MCTP1: variants seen among roughly 807,000 people sequenced by gnomAD.
The protein encoded by MCTP1 is multiple C2 and transmembrane domain containing 1, also known as multiple C2 and transmembrane domain-containing protein 1.
Under a neutral mutation model 120.6 loss-of-function variants are expected in MCTP1, and 69 were observed. The ratio of observed to expected loss-of-function variants is 0.57; its 90% confidence interval spans 0.47 to 0.70. MCTP1 has a LOEUF of 0.70. Ranked by LOEUF, MCTP1 falls within the 30% of genes least tolerant of loss-of-function variation. The pLI is 0.00. For missense variants in MCTP1, 1,203 were observed against 1,248.8 expected (o/e 0.96, Z 0.55); for synonymous variants, 529 against 493.1 (o/e 1.07, Z -0.96).
intron 10 of MCTP1, 43 bp downstream of exon 10, chr5:94,909,208 A>G: frequency 6.3e-7 from 1 of 1,593,232 alleles, no homozygotes. Flanking sequence ...TCTTTTAATA[A>G]AAATGCTCTA....
intron 2 of MCTP1, among the ~76,000 whole-genome samples, chr5:94,983,377 A>T (rs114968743): frequency 6.6e-6 from 1 of 152,350 alleles, no homozygotes; most frequent in African/African-American, 2.4e-5. Context: ...CTTGAAGACT[A>T]TATTTATGGT....
At chr5:94,803,796 A>C (rs1561663633) in intron 17 of MCTP1, among the ~76,000 whole-genome samples, 2 of 152,196 alleles carry the variant, frequency 1.3e-5, no homozygotes, top group Non-Finnish European at 2.9e-5. Context: ...TTTCATATTT[A>C]ATTTGTGGTG....
intron 1 of MCTP1, among the ~76,000 whole-genome samples, chr5:95,283,292 C>T (rs997770643): frequency 1.3e-5 from 2 of 152,210 alleles, no homozygotes; most frequent in African/African-American, 2.4e-5. Flanking sequence ...TGGGAGGAGA[C>T]GCTCCCGCTG....
In MCTP1 at chr5:94,824,870, G is replaced by A. The variant is rs868620706; in HGVS notation, c.2437-25738C>T. On this transcript the variant is annotated intron_variant, in intron 17 of 22. Transcript: ENST00000515393. ...CTGATGGTAGTTTGTATTTCTGTGG[G>A]ATCAGTGGTGATATTCCCTTTATCA... 2.6e-5 allele frequency among the ~76,000 whole-genome samples: 4 copies of A among 152,146 alleles called. No individual in the cohort carries two copies. In the South Asian group the frequency reaches 8.3e-4, roughly 32 times the overall value.
At chr5:94,942,318 G>T in intron 4 of MCTP1, 30 bp downstream of exon 4, 1 of 1,521,068 alleles carries the variant, frequency 6.6e-7, no homozygotes, top group Non-Finnish European at 9.1e-7. Context: ...ATGACAAGGG[G>T]TGGTGATATT....
At chr5:94,894,209 A>G (rs1489473676) in intron 11 of MCTP1, among the ~76,000 whole-genome samples, 1 of 152,266 alleles carries the variant, frequency 6.6e-6, no homozygotes, top group Non-Finnish European at 1.5e-5. Context: ...GCTGAAAATA[A>G]AAATCATTCC....
At chr5:95,169,433 C>T (rs979545297) in intron 1 of MCTP1, among the ~76,000 whole-genome samples, 4 of 152,150 alleles carry the variant, frequency 2.6e-5, no homozygotes, top group Non-Finnish European at 4.4e-5. Flanking sequence ...GGAGGATTCC[C>T]TCTTTTTCTG....
intron 5 of MCTP1, among the ~76,000 whole-genome samples, chr5:94,939,023 C>T (rs528978873): frequency 6.6e-6 from 1 of 152,126 alleles, no homozygotes; most frequent in African/African-American, 2.4e-5. Flanking sequence ...AAATTTCTTC[C>T]TCAGTGAATG....
chr5:94,864,451 C>T (rs924625738), intron 17 of MCTP1, among the ~76,000 whole-genome samples: 1 of 151,756 alleles, frequency 6.6e-6, no homozygotes, highest in African/African-American at 2.4e-5. Context: ...TAAATTCTAC[C>T]TTTTTGTGCA....
At chr5:95,000,026 A>G (rs1833362075) in intron 2 of MCTP1, among the ~76,000 whole-genome samples, 1 of 152,188 alleles carries the variant, frequency 6.6e-6, no homozygotes, top group Non-Finnish European at 1.5e-5. Flanking sequence ...AGGATTTAGT[A>G]CAATCATGCA....
intron 1 of MCTP1, among the ~76,000 whole-genome samples, chr5:95,076,533 C>T (rs1265752870): frequency 3.3e-5 from 5 of 151,378 alleles, no homozygotes; most frequent in Admixed American, 6.6e-5. Context: ...CCTTCATTGA[C>T]GAATGTTGAA....
At chr5:95,198,376 T>A (rs1750625765) in intron 1 of MCTP1, among the ~76,000 whole-genome samples, 2 of 152,172 alleles carry the variant, frequency 1.3e-5, no homozygotes. Flanking sequence ...AACCATACTG[T>A]AAGTATCCAC....
intron 17 of MCTP1, 99 bp from the exon 18 acceptor site, chr5:94,799,231 C>T: frequency 2.8e-6 from 3 of 1,072,366 alleles, no homozygotes; most frequent in Non-Finnish European, 4.0e-6. Flanking sequence ...AAACCAAATG[C>T]TTCAGAACAG....
At chr5:95,015,425 T>C (rs1167212418) in intron 2 of MCTP1, among the ~76,000 whole-genome samples, 4 of 152,102 alleles carry the variant, frequency 2.6e-5, no homozygotes, top group Admixed American at 6.6e-5. Context: ...ATTAAGAAAA[T>C]TGACTCAGAT....
chr5:95,177,890 G>A (rs1748191508), intron 1 of MCTP1, among the ~76,000 whole-genome samples: 1 of 152,134 alleles, frequency 6.6e-6, no homozygotes, highest in South Asian at 2.1e-4. Context: ...AGGTAAAATA[G>A]GAAAAATTTA....
chr5:95,142,356 G>C (rs1210502234), intron 1 of MCTP1, among the ~76,000 whole-genome samples: 1 of 152,116 alleles, frequency 6.6e-6, no homozygotes, highest in Non-Finnish European at 1.5e-5. Context: ...AAGCTAACAG[G>C]AAACTTTTTA....
chr5:95,262,117 G>A (rs770797124), intron 1 of MCTP1, among the ~76,000 whole-genome samples: 3 of 152,172 alleles, frequency 2.0e-5, no homozygotes, highest in Non-Finnish European at 4.4e-5. Context: ...GCCAGAGTAT[G>A]GGCCCATCTC....
chr5:95,261,114 G>A (rs758905237), intron 1 of MCTP1, among the ~76,000 whole-genome samples: 2 of 152,180 alleles, frequency 1.3e-5, no homozygotes, highest in East Asian at 3.8e-4. Flanking sequence ...TCCGAAATTT[G>A]TTCCCAGCCC....
chr5:95,196,415 A>G (rs373782131), intron 1 of MCTP1, among the ~76,000 whole-genome samples: 9 of 152,292 alleles, frequency 5.9e-5, no homozygotes, highest in African/African-American at 2.2e-4. Flanking sequence ...AGAATACACA[A>G]AGCTGGAAAG....
Sources: gnomAD v4.1 joint callset for allele counts (sites outside exome capture counted in the v4.1 genomes callset) on GRCh38, gnomAD v4.1.1 for gene constraint, MANE v1.5 for transcripts, NCBI Gene and HGNC (gene_info 2026-07-23, HGNC 2026-07-21) for gene names.